The following DEDD2 variants were observed in gnomAD, a reference collection of about 807,000 sequenced individuals.
DEDD2 encodes DNA-binding death effector domain-containing protein 2.
Under a neutral mutation model 28.9 loss-of-function variants are expected in DEDD2, and 18 were observed. The ratio of observed to expected loss-of-function variants is 0.62; its 90% CI spans 0.43 to 0.92. The LOEUF is 0.92. DEDD2 is among the 40% of genes least tolerant of loss of function. DEDD2 has a pLI of 0.00. For synonymous variants in DEDD2, 211 were observed against 206.1 expected (o/e 1.02, Z -0.20); for missense variants, 411 against 463.3 (o/e 0.89, Z 1.04).
intron 3 of DEDD2, among the ~76,000 whole-genome samples, chr19:42,212,485 G>C (rs2035811007): frequency 6.7e-6 from 1 of 148,486 alleles, no homozygotes; most frequent in African/African-American, 2.5e-5. Flanking sequence ...TTTTCTCTGA[G>C]ACAGGGTCTT....
chr19:42,201,057 C>A (rs938593421), intron 4 of DEDD2, among the ~76,000 whole-genome samples: 1 of 152,326 alleles, frequency 6.6e-6, no homozygotes, highest in African/African-American at 2.4e-5. Flanking sequence ...CTGCCAGGCG[C>A]CAAGTGCTTG....
At position 42,199,038 on chromosome 19, in the gene DEDD2, C is replaced by T. The variant is rs1004637620; in HGVS notation, c.*400G>A. The T allele has an allele frequency of 5.0e-6, 1 of 200,238 alleles. No individual in the cohort carries two copies. The highest frequency in any genetic ancestry group is 1.0e-5 in the Non-Finnish European group (1 of 97,370). The allele number at this position is 200,238 out of a possible 1,614,324, so 12.4% of individuals were successfully genotyped here. On this transcript the variant is annotated 3_prime_UTR_variant, in exon 5 of 5. Transcript: ENST00000596251. This position sits in a 1 kb window ranked among gnomAD's most constrained non-coding sequence, Gnocchi z 7.4. ...GCTGGGAAGCAGGCCAGGGCAGAGG[C>T]CCAGGGAAGATCTCAGCAGGGGCAG...
intron 4 of DEDD2, among the ~76,000 whole-genome samples, chr19:42,205,490 G>T (rs76718343): frequency 6.6e-6 from 1 of 152,028 alleles, no homozygotes; most frequent in African/African-American, 2.4e-5. Context: ...AGCCGGGTGT[G>T]GTAGCACATG....
intron 2 of DEDD2, 139 bp downstream of exon 2, chr19:42,216,541 A>T: frequency 1.1e-6 from 1 of 880,674 alleles, no homozygotes; most frequent in Non-Finnish European, 1.7e-6. Flanking sequence ...TTGCTCATTG[A>T]TATTGTGGGA....
chr19:42,211,617 C>T (rs1005849481), intron 3 of DEDD2, among the ~76,000 whole-genome samples: 3 of 152,150 alleles, frequency 2.0e-5, no homozygotes, highest in Non-Finnish European at 2.9e-5. Context: ...ATCTATGTTT[C>T]ATTCACTAGA....
chr19:42,209,049 C>T (rs546584290), intron 4 of DEDD2, among the ~76,000 whole-genome samples: 36 of 152,150 alleles, frequency 2.4e-4, no homozygotes, highest in Admixed American at 2.2e-3. Context: ...ACCAGCCTGG[C>T]CAACATAGTG....
At position 42,216,078 on chromosome 19, in the gene DEDD2, C is replaced by T. The variant is rs545918282; in HGVS notation, c.328+602G>A. 5.3e-5 allele frequency among the ~76,000 whole-genome samples: 8 copies of T among 152,320 alleles called. No homozygotes were observed. The East Asian group carries it at 1.5e-3, about 29-fold the overall frequency. Reference sequence around the variant, plus strand: ...TGGATGCTCCCTGGGATTTTCTCCCCTGGGGTCTATGCATGGCTGGCAGTG... The same window carrying T: ...TGGATGCTCCCTGGGATTTTCTCCCTTGGGGTCTATGCATGGCTGGCAGTG... On this transcript the variant is annotated intron_variant, in intron 2 of 4. Transcript: ENST00000596251.
chr19:42,215,028 CA>C, intron 3 of DEDD2, 104 bp downstream of exon 3: 5 of 1,441,176 alleles, frequency 3.5e-6, no homozygotes, highest in Non-Finnish European at 4.7e-6. Context: ...CACACACACA[CA>C]CAGTGAAAAT....
chr19:42,208,616 C>T (rs2035625323), intron 4 of DEDD2, among the ~76,000 whole-genome samples: 1 of 152,248 alleles, frequency 6.6e-6, no homozygotes, highest in African/African-American at 2.4e-5. Flanking sequence ...AAAATCCAAA[C>T]TGTCATCCCT....
At chr19:42,207,200 G>A (rs865880137) in intron 4 of DEDD2, among the ~76,000 whole-genome samples, 4 of 152,162 alleles carry the variant, frequency 2.6e-5, no homozygotes, top group African/African-American at 9.7e-5. Flanking sequence ...CCCAGGGCTG[G>A]CTCTCTAGGT....
chr19:42,199,367 A>C lies in DEDD2; in HGVS notation c.*71T>G. 1.2e-5 allele frequency: 17 copies of C among 1,466,172 alleles called. No individual in the cohort carries two copies. Among genetic ancestry groups the C allele is most frequent in the Non-Finnish European group, 1.5e-5 (17 of 1,113,572 alleles). 90.8% of individuals were successfully genotyped at this position (1,466,172 alleles called of 1,614,324 possible). Reference sequence around the variant, plus strand: ...GCTAGAGTGACAGTCCTCTAGGGGTAGAGATGGTCGTCCTCCCAGGAGAAG... The same window carrying C: ...GCTAGAGTGACAGTCCTCTAGGGGTCGAGATGGTCGTCCTCCCAGGAGAAG... On this transcript the variant is annotated 3_prime_UTR_variant, in exon 5 of 5. Transcript: ENST00000596251. This position sits in a 1 kb window ranked among gnomAD's most constrained non-coding sequence, Gnocchi z 7.4.
At chr19:42,213,538 T>C (rs992793657) in intron 3 of DEDD2, among the ~76,000 whole-genome samples, 3 of 152,122 alleles carry the variant, frequency 2.0e-5, no homozygotes, top group Non-Finnish European at 4.4e-5. Context: ...GGAGATGTAC[T>C]CCAATATGAA....
chr19:42,212,466 G>A (rs532032570), intron 3 of DEDD2, among the ~76,000 whole-genome samples: 19 of 143,410 alleles, frequency 1.3e-4, no homozygotes, highest in Admixed American at 4.2e-4. Flanking sequence ...CACCCGGCTC[G>A]TTTTTTTTTT....
At chr19:42,202,059 G>A in intron 4 of DEDD2, 1 of 398,778 alleles carries the variant, frequency 2.5e-6, no homozygotes, top group Non-Finnish European at 4.4e-6. Context: ...ACCTCTCTGA[G>A]CCTGTTTCCC....
At chr19:42,207,990 C>G (rs1309553311) in intron 4 of DEDD2, among the ~76,000 whole-genome samples, 5 of 152,174 alleles carry the variant, frequency 3.3e-5, no homozygotes, top group Non-Finnish European at 7.4e-5. Flanking sequence ...CACAAGGAAA[C>G]TGGGGCTGGC....
At chr19:42,213,731 T>C (rs2035854110) in intron 3 of DEDD2, among the ~76,000 whole-genome samples, 1 of 152,152 alleles carries the variant, frequency 6.6e-6, no homozygotes, top group Non-Finnish European at 1.5e-5. Context: ...ACAACCGGCC[T>C]GCTAGGGTGA....
chr19:42,217,768 C>G (rs2036047182), upstream of DEDD2: 2 of 152,430 alleles, frequency 1.3e-5, no homozygotes, highest in African/African-American at 4.8e-5. Context: ...GCGACCGCCA[C>G]GCCCCTTCGG....
At chr19:42,213,656 C>T (rs997369724) in intron 3 of DEDD2, among the ~76,000 whole-genome samples, 3 of 151,946 alleles carry the variant, frequency 2.0e-5, no homozygotes, top group Non-Finnish European at 2.9e-5. Context: ...GAAAGAGGGA[C>T]GAGTTACATA....
chr19:42,216,737 G>C lies in DEDD2; in HGVS notation c.271C>G (p.Arg91Gly). The part of the protein sequence containing the change: ...SNLRLLGQLL[R>G]VLARHDLLPH... ...AGCAGGTCGTGGCGGGCCAGCACGC[G>C]CAGGAGTTGCCCCAGCAGCCGCAGG... Residue 91 changes from arginine to glycine, a missense_variant, in exon 2 of 5, where the codon CGC (arginine) becomes GGC (glycine). By Grantham distance (125) the Arg-to-Gly change is moderately radical. Coordinates refer to ENST00000596251, the MANE Select transcript of DEDD2 (RefSeq NM_133328.4). The C allele has an allele frequency of 1.9e-6, 3 of 1,591,530 alleles. No individual in the cohort carries two copies. Among genetic ancestry groups the C allele is most frequent in the Non-Finnish European group, 2.6e-6 (3 of 1,171,594 alleles).
Sources: allele counts gnomAD v4.1 joint callset (sites outside exome capture counted in the v4.1 genomes callset), GRCh38; gene constraint gnomAD v4.1.1; non-coding constraint Gnocchi (gnomAD v3.1); transcripts MANE v1.5; gene names NCBI Gene and HGNC (gene_info 2026-07-23, HGNC 2026-07-21).